PCDHGA3: variants seen among roughly 807,000 people sequenced by gnomAD.
PCDHGA3 encodes protocadherin gamma-A3.
PCDHGA3 carries 40 observed loss-of-function variants against 58.5 expected under a neutral mutation model. That is an observed-to-expected ratio of 0.68 (90% CI 0.53 to 0.89). PCDHGA3 has a LOEUF of 0.89. Ranked by LOEUF, PCDHGA3 falls within the 40% of genes least tolerant of loss-of-function variation. The pLI is 0.00. For synonymous variants in PCDHGA3, 530 were observed against 525.7 expected (o/e 1.01, Z -0.11); for missense variants, 1,223 against 1,195.9 (o/e 1.02, Z -0.33).
At chr5:141,478,717 C>T (rs1381812771) in intron 1 of PCDHGA3, 1 of 1,545,032 alleles carries the variant, frequency 6.5e-7, no homozygotes, top group South Asian at 1.2e-5. Context: ...GAGATGGTGG[C>T]CTGCCAGAGT....
chr5:141,410,180 C>G (rs776702898), intron 1 of PCDHGA3: 43 of 1,613,802 alleles, frequency 2.7e-5, no homozygotes, highest in Non-Finnish European at 3.4e-5. Context: ...CACCGCCACG[C>G]TTCATCTGGT....
chr5:141,376,110 G>C (rs772810239), intron 1 of PCDHGA3: 1 of 1,613,644 alleles, frequency 6.2e-7, no homozygotes. Context: ...GCCGACCTGG[G>C]CAGCCTCGAG....
chr5:141,395,748 GA>G (rs1300341557), intron 1 of PCDHGA3: 2 of 152,878 alleles, frequency 1.3e-5, no homozygotes, highest in African/African-American at 4.8e-5. Flanking sequence ...CCTCTTTTCT[GA>G]GCCCTGTTTC....
rs566565641 is a variant in PCDHGA3, at chr5:141,367,114, T to C, written c.2424+20657T>C. The C allele has an allele frequency of 8.2e-5, 18 of 220,652 alleles. 1 individual carries two copies. Among genetic ancestry groups the C allele is most frequent in the Non-Finnish European group, 1.4e-4 (16 of 111,388 alleles). 13.7% of individuals were successfully genotyped at this position (220,652 alleles called of 1,614,324 possible). A position where few individuals can be genotyped will look rare whatever the true frequency, so the allele number is the denominator to read the frequency against. ...CTTTTGAGTGTCTGCCTAGACACCA[T>C]TAGTGAATGTGTTTTGGAAAGGATA... On this transcript the variant is annotated intron_variant, in intron 1 of 3. Coordinates refer to ENST00000253812, the MANE Select transcript of PCDHGA3 (RefSeq NM_018916.4).
chr5:141,424,504 G>A (rs1357608806), intron 1 of PCDHGA3: 2 of 152,134 alleles, frequency 1.3e-5, no homozygotes, highest in East Asian at 1.9e-4. Flanking sequence ...TGTATGGAAG[G>A]TTTTTTAATG....
intron 2 of PCDHGA3, among the ~76,000 whole-genome samples, chr5:141,501,109 C>G (rs909874167): frequency 2.0e-5 from 3 of 152,106 alleles, no homozygotes; most frequent in Non-Finnish European, 4.4e-5. Context: ...CCTCGTGATC[C>G]GCCTGCCTCA....
At chr5:141,462,203 G>T (rs544238255) in intron 1 of PCDHGA3, among the ~76,000 whole-genome samples, 2 of 152,036 alleles carry the variant, frequency 1.3e-5, no homozygotes, top group African/African-American at 4.8e-5. Flanking sequence ...CAGGTGATCC[G>T]CCTGCCTCGG....
chr5:141,356,029 G>T, intron 1 of PCDHGA3: 1 of 1,613,954 alleles, frequency 6.2e-7, no homozygotes, highest in South Asian at 1.1e-5. Flanking sequence ...CAATGGAGAC[G>T]TGACGTATTC....
intron 1 of PCDHGA3, chr5:141,399,924 G>A: frequency 6.2e-7 from 1 of 1,612,346 alleles, no homozygotes; most frequent in Non-Finnish European, 8.5e-7. Context: ...ACAACGCCTG[G>A]CTGTCCTACC....
chr5:141,474,721 A>T (rs942537231), intron 1 of PCDHGA3, among the ~76,000 whole-genome samples: 10 of 152,214 alleles, frequency 6.6e-5, no homozygotes, highest in African/African-American at 1.7e-4. Flanking sequence ...CTTCAAAAGG[A>T]CTCTATGCAA....
At position 141,498,971 on chromosome 5, in the gene PCDHGA3, G is replaced by GGGAAGGAAGGAA. The variant is rs201769957; in HGVS notation, c.2483+4152_2483+4163dup. On this transcript the variant is annotated intron_variant, in intron 2 of 3. Coordinates refer to ENST00000253812, the MANE Select transcript of PCDHGA3 (RefSeq NM_018916.4). ...AAAAAGAGAGAGAGGGAGGGAGGGA[G>GGGAAGGAAGGAA]GGAAGGAAGGAAGGAAGGAAGGAAG... 6.8e-3 allele frequency among the ~76,000 whole-genome samples: 758 copies of GGGAAGGAAGGAA among 111,036 alleles called. 12 individuals are homozygous for GGGAAGGAAGGAA. Among genetic ancestry groups the GGGAAGGAAGGAA allele is most frequent in the African/African-American group, 0.021 (585 of 27,816 alleles). 72.8% of individuals were successfully genotyped at this position (111,036 alleles called of 152,430 possible). A position where few individuals can be genotyped will look rare whatever the true frequency, so the allele number is the denominator to read the frequency against.
chr5:141,449,854 T>C (rs769118919), intron 1 of PCDHGA3, among the ~76,000 whole-genome samples: 7 of 151,974 alleles, frequency 4.6e-5, no homozygotes, highest in South Asian at 4.1e-4. Context: ...ATTTTAATAA[T>C]AAAAATCAGA....
At position 141,383,504 on chromosome 5, in the gene PCDHGA3, G is replaced by C. The variant is rs373658496; in HGVS notation, c.2424+37047G>C. ...CTGGTGCTGGAGCGGGTGCTGGACC[G>C]GGAGGAAGAGCGGGTTCACCACCTG... On this transcript the variant is annotated intron_variant, in intron 1 of 3. Coordinates refer to ENST00000253812, the MANE Select transcript of PCDHGA3 (RefSeq NM_018916.4). The C allele has an allele frequency of 1.9e-5, 30 of 1,612,648 alleles. No individual in the cohort carries two copies. The East Asian group carries it at 3.6e-4, about 19-fold the overall frequency.
At chr5:141,506,237 T>G (rs558256375) in intron 3 of PCDHGA3, among the ~76,000 whole-genome samples, 1 of 152,014 alleles carries the variant, frequency 6.6e-6, no homozygotes, top group South Asian at 2.1e-4. Flanking sequence ...GATCATGAGG[T>G]CAGGAGTTCG....
chr5:141,386,939 A>T (rs2150323633), intron 1 of PCDHGA3, among the ~76,000 whole-genome samples: 1 of 152,358 alleles, frequency 6.6e-6, no homozygotes, highest in South Asian at 2.1e-4. Flanking sequence ...AGAGGTAGGA[A>T]GCAGTGCTTC....
At chr5:141,362,202 G>C in intron 1 of PCDHGA3, 2 of 1,614,078 alleles carry the variant, frequency 1.2e-6, no homozygotes, top group African/African-American at 2.7e-5. Context: ...CAAAACTGCA[G>C]TTTTACCTGG....
intron 1 of PCDHGA3, chr5:141,356,057 A>T: frequency 6.2e-7 from 1 of 1,613,942 alleles, no homozygotes; most frequent in Middle Eastern, 1.6e-4. Flanking sequence ...AAAGTAAGAG[A>T]CAAAATATCA....
At chr5:141,419,311 C>G (rs745852942) in intron 1 of PCDHGA3, 1 of 1,613,994 alleles carries the variant, frequency 6.2e-7, no homozygotes, top group Non-Finnish European at 8.5e-7. Flanking sequence ...TCGGGCTCAA[C>G]GGCCGTGTCT....
chr5:141,487,749 A>G lies in PCDHGA3; in HGVS notation c.2425-7058A>G, dbSNP rs574710316. 3.9e-5 allele frequency: 60 copies of G among 1,557,180 alleles called. No homozygotes were observed. The African/African-American group carries it at 5.6e-4, about 14-fold the overall frequency. ...GTCACCATTTTTGTAAGAGGTAACT[A>G]TGTGGTAGACGCTGTGCTTTGTAAC... is the stretch of plus-strand genomic sequence containing the variant. On this transcript the variant is annotated intron_variant, in intron 1 of 3. Coordinates refer to ENST00000253812, the MANE Select transcript of PCDHGA3 (RefSeq NM_018916.4). The surrounding 1 kb of genome is among the most constrained non-coding windows in gnomAD (Gnocchi z 5.0).
Sources: gnomAD v4.1 joint callset for allele counts (sites outside exome capture counted in the v4.1 genomes callset) on GRCh38, gnomAD v4.1.1 for gene constraint, Gnocchi (gnomAD v3.1) non-coding constraint, MANE v1.5 for transcripts, NCBI Gene and HGNC (gene_info 2026-07-23, HGNC 2026-07-21) for gene names.